Variants in SUGCT observed in about 807,000 individuals in gnomAD.
SUGCT encodes the protein succinyl-CoA:glutarate CoA-transferase.
A neutral mutation model predicts 55.0 loss-of-function variants in SUGCT; 41 were observed. That is an observed-to-expected ratio of 0.74 (90% CI 0.58 to 0.97). SUGCT has a LOEUF of 0.97. SUGCT is among the 50% of genes least tolerant of loss of function. SUGCT has a pLI of 0.00. For missense variants in SUGCT, 568 were observed against 547.8 expected, an observed-to-expected ratio of 1.04 and a Z score of -0.37; for synonymous variants, 187 against 200.4, an observed-to-expected ratio of 0.93 and a Z score of 0.56.
chr7:40,271,164 C>T (rs1161274490), intron 7 of SUGCT, among the ~76,000 whole-genome samples: 1 of 152,162 alleles, frequency 6.6e-6, no homozygotes, highest in African/African-American at 2.4e-5. Flanking sequence ...TCTTTCTTTG[C>T]AACCTAAATT....
chr7:40,860,394 T>A lies in SUGCT; in HGVS notation c.1232T>A (p.Ile411Asn), dbSNP rs1310846366. 6.2e-7 allele frequency: 1 copy of A among 1,613,928 alleles called. No homozygotes were observed. The highest frequency in any genetic ancestry group is 1.1e-5 in the South Asian group (1 of 91,082). Residue 411 changes from isoleucine to asparagine, a missense_variant, in exon 14 of 14, where the codon ATC (isoleucine) becomes AAC (asparagine). Ile to Asn is a moderately radical substitution (Grantham distance 149). Coordinates refer to ENST00000335693, the MANE Select transcript of SUGCT (RefSeq NM_001193313.2). ...CTGCTCGGGCAGCACACAACGCACA[T>A]CCTGAAGGAGGTCCTGAGATACGAT... is the stretch of plus-strand genomic sequence containing the variant. ...PPLLGQHTTH[I>N]LKEVLRYDDR...
At chr7:40,514,835 G>GA (rs1248152242) in intron 12 of SUGCT, among the ~76,000 whole-genome samples, 1 of 151,850 alleles carries the variant, frequency 6.6e-6, no homozygotes, top group Non-Finnish European at 1.5e-5. Context: ...GGAACTCATG[G>GA]AGAGCCAAAT....
At chr7:40,927,169 A>T in the SUGCT span, among the ~76,000 whole-genome samples, 2 of 152,210 alleles carry the variant, frequency 1.3e-5, no homozygotes, top group Non-Finnish European at 2.9e-5. Flanking sequence ...GCAAAGGAAA[A>T]TGTAGCTACT....
chr7:40,901,308 C>G, the SUGCT span, among the ~76,000 whole-genome samples: 1 of 152,192 alleles, frequency 6.6e-6, no homozygotes. Context: ...CCTAAATCTC[C>G]TGTTTTCTCA....
intron 13 of SUGCT, among the ~76,000 whole-genome samples, chr7:40,841,085 CT>C (rs933237029): frequency 2.8e-3 from 422 of 149,708 alleles, no homozygotes; most frequent in Middle Eastern, 3.6e-3. Flanking sequence ...ATTACTTAGA[CT>C]TTTTTTTTTC....
intron 9 of SUGCT, among the ~76,000 whole-genome samples, chr7:40,421,154 G>GT (rs1316529011): frequency 1.3e-5 from 2 of 152,186 alleles, no homozygotes; most frequent in African/African-American, 4.8e-5. Context: ...AGTGAGAACT[G>GT]TGACGGCTGC....
intron 9 of SUGCT, among the ~76,000 whole-genome samples, chr7:40,391,974 T>G (rs1190247595): frequency 6.6e-6 from 1 of 152,120 alleles, no homozygotes; most frequent in Non-Finnish European, 1.5e-5. Flanking sequence ...ATGAGTTCAT[T>G]TCCTTTGTAG....
intron 11 of SUGCT, among the ~76,000 whole-genome samples, chr7:40,488,547 T>C (rs1006921573): frequency 2.0e-5 from 3 of 152,206 alleles, no homozygotes; most frequent in Non-Finnish European, 2.9e-5. Context: ...CTGAATTTGA[T>C]TGTGTACTTA....
intron 9 of SUGCT, among the ~76,000 whole-genome samples, chr7:40,433,666 A>G (rs921165891): frequency 5.9e-5 from 9 of 152,192 alleles, no homozygotes; most frequent in South Asian, 2.1e-4. Context: ...GGGAAGAGGA[A>G]TGCTCAGTTG....
At chr7:40,417,672 G>A (rs4236367) in intron 9 of SUGCT, among the ~76,000 whole-genome samples, 104,497 of 151,076 alleles carry the variant, frequency 0.69, 36,541 homozygotes, top group East Asian at 0.99. Context: ...TCATTTCATA[G>A]TATGTATAAT....
At chr7:40,477,091 G>T (rs1050682678) in intron 11 of SUGCT, among the ~76,000 whole-genome samples, 1 of 152,158 alleles carries the variant, frequency 6.6e-6, no homozygotes, top group African/African-American at 2.4e-5. Context: ...AACAGTATTT[G>T]AGATAAATTA....
chr7:40,598,766 T>G (rs11973006), intron 12 of SUGCT, among the ~76,000 whole-genome samples: 38,498 of 152,088 alleles, frequency 0.25, 6,703 homozygotes, highest in African/African-American at 0.49. Context: ...CTTTGACCAA[T>G]GAATGACAGC....
Position 40,569,811 on chromosome 7 carries a change from A to C in SUGCT, c.1089+73425A>C, listed in dbSNP as rs550395507. On this transcript the variant is annotated intron_variant, in intron 12 of 13. Transcript: ENST00000335693. ...CCTGTGGTCTATTCTGATGATAATCATTGCATTAAAAACCTTTTAATCATG... is the reference window on the plus strand; with the variant it reads ...CCTGTGGTCTATTCTGATGATAATCCTTGCATTAAAAACCTTTTAATCATG... Among the ~76,000 whole-genome samples, 273 of 152,368 alleles carry C rather than the reference A, an allele frequency of 1.8e-3. 2 individuals carry two copies. The highest frequency in any genetic ancestry group is 6.2e-3 in the African/African-American group (259 of 41,588).
chr7:40,289,861 A>G (rs1212674942), intron 8 of SUGCT, among the ~76,000 whole-genome samples: 1 of 151,964 alleles, frequency 6.6e-6, no homozygotes, highest in Non-Finnish European at 1.5e-5. Flanking sequence ...TACACCAATA[A>G]CAGACAAACA....
At chr7:40,377,231 TTCCCTTCC>T (rs1562729087) in intron 9 of SUGCT, among the ~76,000 whole-genome samples, 2,159 of 19,562 alleles carry the variant, frequency 0.11, 915 homozygotes, top group Non-Finnish European at 0.18. Context: ...TCTTTCTTTC[TTCCCTTCC>T]TTCCTTCCTT....
At chr7:40,351,565 T>A (rs922657544) in intron 9 of SUGCT, among the ~76,000 whole-genome samples, 3 of 152,200 alleles carry the variant, frequency 2.0e-5, no homozygotes, top group Non-Finnish European at 2.9e-5. Flanking sequence ...ATTCACATAA[T>A]ACCTTTTTGG....
intron 12 of SUGCT, among the ~76,000 whole-genome samples, chr7:40,703,209 C>T (rs1303628264): frequency 6.6e-5 from 10 of 152,106 alleles, no homozygotes; most frequent in East Asian, 3.9e-4. Context: ...GGATCACAGG[C>T]GTGTGCCACC....
intron 7 of SUGCT, among the ~76,000 whole-genome samples, chr7:40,243,126 G>A (rs929123905): frequency 6.7e-6 from 1 of 149,014 alleles, no homozygotes; most frequent in Non-Finnish European, 1.5e-5. Context: ...TCTATCATCT[G>A]TTTATCTATC....
intron 13 of SUGCT, among the ~76,000 whole-genome samples, chr7:40,817,470 C>T (rs1791734546): frequency 1.3e-5 from 2 of 152,102 alleles, no homozygotes; most frequent in African/African-American, 4.8e-5. Flanking sequence ...AGTGACTGGA[C>T]TTAGAATCAG....
Sources: allele counts gnomAD v4.1 joint callset (sites outside exome capture counted in the v4.1 genomes callset), GRCh38; gene constraint gnomAD v4.1.1; transcripts MANE v1.5; gene names NCBI Gene and HGNC (gene_info 2026-07-23, HGNC 2026-07-21).